Variants in GPHN observed in about 807,000 individuals in gnomAD.
GPHN encodes gephyrin.
A neutral mutation model predicts 95.5 loss-of-function variants in GPHN; 17 were observed. The ratio of observed to expected loss-of-function variants is 0.18; its 90% CI spans 0.12 to 0.27. GPHN has a LOEUF of 0.27. Among genes scored for constraint, GPHN ranks in the 10% least tolerant of loss-of-function variants. GPHN has a pLI of 1.00. For synonymous variants in GPHN, 320 were observed against 322.5 expected, an observed-to-expected ratio of 0.99 and a Z score of 0.08; for missense variants, 660 against 978.1, an observed-to-expected ratio of 0.67 and a Z score of 4.34.
intron 3 of GPHN, among the ~76,000 whole-genome samples, chr14:66,808,247 T>G (rs951597768): frequency 6.6e-6 from 1 of 152,234 alleles, no homozygotes; most frequent in Non-Finnish European, 1.5e-5. Flanking sequence ...TTTTTCTTAT[T>G]TATTGGTAGG....
intron 1 of GPHN, among the ~76,000 whole-genome samples, chr14:66,617,242 T>G (rs973999076): frequency 6.6e-6 from 1 of 152,198 alleles, no homozygotes; most frequent in Non-Finnish European, 1.5e-5. Context: ...TGGTGCTGGT[T>G]GCCCCTCCTG....
At chr14:67,599,831 C>T in the GPHN span, among the ~76,000 whole-genome samples, 10 of 152,324 alleles carry the variant, frequency 6.6e-5, no homozygotes, top group Non-Finnish European at 1.5e-4. Flanking sequence ...CAGGAGCACA[C>T]ATTTCACTAA....
chr14:67,084,995 A>C (rs1481596978), intron 11 of GPHN, among the ~76,000 whole-genome samples: 2 of 152,270 alleles, frequency 1.3e-5, no homozygotes, highest in African/African-American at 4.8e-5. Flanking sequence ...CTAGCACTGC[A>C]GAATTATTAT....
chr14:67,340,600 A>T, the GPHN span: 9 of 1,164,210 alleles, frequency 7.7e-6, no homozygotes, highest in Admixed American at 1.8e-4. Context: ...TATAACAGTT[A>T]TTTTTTCCTA....
At chr14:67,726,302 T>C in the GPHN span, 3 of 702,244 alleles carry the variant, frequency 4.3e-6, no homozygotes, top group East Asian at 8.1e-5. Flanking sequence ...TGTTGTTCAC[T>C]GTACCTCTCC....
intron 10 of GPHN, among the ~76,000 whole-genome samples, chr14:67,036,540 C>CACAGAG (rs946760546): frequency 1.1e-4 from 17 of 148,222 alleles, no homozygotes; most frequent in African/African-American, 3.7e-4. Context: ...CACACACACA[C>CACAGAG]AGAGAAACAC....
intron 2 of GPHN, among the ~76,000 whole-genome samples, chr14:66,681,939 G>A (rs2066960612): frequency 6.6e-6 from 1 of 152,038 alleles, no homozygotes; most frequent in Non-Finnish European, 1.5e-5. Context: ...TACATATAAT[G>A]CATACAATTA....
rs149280469 is a variant in GPHN, at chr14:66,910,453, G to A, written c.390-5550G>A. ...GCAGCAACAGTGTGTTGATAGGAATGTAAATTGGTACAAACACTATGGAAA... is the reference window on the plus strand; with the variant it reads ...GCAGCAACAGTGTGTTGATAGGAATATAAATTGGTACAAACACTATGGAAA... On this transcript the variant is annotated intron_variant, in intron 5 of 22. Transcript: ENST00000478722. Among the ~76,000 whole-genome samples, 93 of 152,018 alleles carry A rather than the reference G, an allele frequency of 6.1e-4. 1 individual carries two copies. In the East Asian group the frequency reaches 0.017, roughly 27 times the overall value.
At chr14:66,767,454 AAAAAG>A (rs1302315743) in intron 2 of GPHN, among the ~76,000 whole-genome samples, 20 of 151,354 alleles carry the variant, frequency 1.3e-4, no homozygotes, top group Non-Finnish European at 2.5e-4. Flanking sequence ...AAAAAAAAAA[AAAAAG>A]AAAAGAGGGA....
the GPHN span, among the ~76,000 whole-genome samples, chr14:67,243,078 A>G: frequency 6.6e-6 from 1 of 152,110 alleles, no homozygotes; most frequent in Admixed American, 6.5e-5. Context: ...AATTTGATCA[A>G]TTTTATATAT....
At chr14:67,108,346 C>A (rs949095312) in intron 13 of GPHN, among the ~76,000 whole-genome samples, 3 of 152,192 alleles carry the variant, frequency 2.0e-5, no homozygotes, top group Admixed American at 1.3e-4. Flanking sequence ...ACATCTCTTA[C>A]TGACCCCTCC....
chr14:66,666,287 A>G (rs540693243), intron 1 of GPHN, among the ~76,000 whole-genome samples: 5 of 150,572 alleles, frequency 3.3e-5, no homozygotes, highest in Non-Finnish European at 7.4e-5. Flanking sequence ...TAAATATTGA[A>G]TCTTCCAACC....
At chr14:67,694,479 C>T in the GPHN span, among the ~76,000 whole-genome samples, 24 of 131,566 alleles carry the variant, frequency 1.8e-4, no homozygotes, top group African/African-American at 6.9e-4. Context: ...TATATATATA[C>T]ACACACACAC....
At chr14:67,642,056 C>T in the GPHN span, 17 of 913,108 alleles carry the variant, frequency 1.9e-5, no homozygotes, top group Admixed American at 1.0e-4. Context: ...AATCATTTGA[C>T]ATTTTAAATT....
chr14:66,729,579 A>T (rs562561117), intron 2 of GPHN, among the ~76,000 whole-genome samples: 9 of 152,356 alleles, frequency 5.9e-5, no homozygotes, highest in African/African-American at 2.2e-4. Context: ...TGATGGAAAT[A>T]GTCTATATGT....
the GPHN span, chr14:67,735,140 C>T: frequency 2.6e-5 from 22 of 847,440 alleles, no homozygotes; most frequent in South Asian, 4.0e-5. Flanking sequence ...GGTGTTGATT[C>T]GACATGTTGT....
At chr14:67,728,166 T>G in the GPHN span, 1 of 152,222 alleles carries the variant, frequency 6.6e-6, no homozygotes, top group Non-Finnish European at 1.5e-5. Flanking sequence ...GGGGTCCATT[T>G]GTTACAGTGA....
the GPHN span, among the ~76,000 whole-genome samples, chr14:67,326,866 TA>T: frequency 3.9e-5 from 6 of 152,190 alleles, no homozygotes; most frequent in African/African-American, 1.4e-4. Context: ...ATTCTTCAGT[TA>T]AAAAATATTT....
chr14:67,098,758 G>A (rs942531217), intron 12 of GPHN, among the ~76,000 whole-genome samples: 21 of 151,454 alleles, frequency 1.4e-4, no homozygotes, highest in Admixed American at 1.3e-3. Flanking sequence ...GGAGGCAGAG[G>A]TTGCAGTGAG....
Sources: allele counts gnomAD v4.1 joint callset (sites outside exome capture counted in the v4.1 genomes callset), GRCh38; gene constraint gnomAD v4.1.1; transcripts MANE v1.5; gene names NCBI Gene and HGNC (gene_info 2026-07-23, HGNC 2026-07-21).